The following ST6GALNAC1 variants were observed in gnomAD, a reference collection of about 807,000 sequenced individuals.
ST6GALNAC1 encodes alpha-N-acetylgalactosaminide alpha-2,6-sialyltransferase 1.
In ST6GALNAC1, 45 loss-of-function variants were observed where a neutral mutation model predicts 56.8. The observed-to-expected ratio is 0.79, with a 90% CI of 0.62 to 1.02. The LOEUF (loss-of-function observed/expected upper bound fraction) is 1.02, where lower values mean the gene tolerates loss of function less well. Ranked by LOEUF, ST6GALNAC1 falls within the 50% of genes least tolerant of loss-of-function variation. ST6GALNAC1 has a pLI of 0.00. For synonymous variants in ST6GALNAC1, 295 were observed against 297.8 expected (o/e 0.99, Z 0.10); for missense variants, 743 against 754.8 (o/e 0.98, Z 0.18).
At chr17:76,629,784 T>TTTTTG in intron 1 of ST6GALNAC1, 73 bp from the exon 2 acceptor site, 5 of 470,434 alleles carry the variant, frequency 1.1e-5, no homozygotes, top group Admixed American at 4.8e-5. Context: ...TAGTTTTTTG[T>TTTTTG]TTTTTTTTTT....
At chr17:76,617,714 T>G in the ST6GALNAC1 span, among the ~76,000 whole-genome samples, 4 of 150,070 alleles carry the variant, frequency 2.7e-5, no homozygotes, top group Non-Finnish European at 5.9e-5. Flanking sequence ...AAGGCTGCAG[T>G]GAGCTGCGAT....
rs752533596 is a variant in ST6GALNAC1 at position 76,629,280 on chromosome 17, G to A, written c.563C>T (p.Ala188Val). 3.6e-5 allele frequency: 58 copies of A among 1,614,076 alleles called. No individual in the cohort carries two copies. Among genetic ancestry groups the A allele is most frequent in the Non-Finnish European group, 4.7e-5 (55 of 1,180,022 alleles). The change falls in exon 2 of 9, where the codon GCG (alanine) becomes GTG (valine). Residue 188 changes from alanine to valine, a missense_variant. Ala to Val is a moderately conservative substitution (Grantham distance 64). Coordinates refer to ENST00000156626, the MANE Select transcript of ST6GALNAC1 (RefSeq NM_018414.5). ...AATGAGCGTCTTGGCTGTGGTTGCC[G>A]CTTTGCCCTGGTGCTTCTCTGACAC... The part of the protein sequence containing the change: ...RTVSEKHQGK[A>V]ATTAKTLIPK...
intron 1 of ST6GALNAC1, 102 bp downstream of exon 1, chr17:76,643,406 G>A: frequency 7.0e-6 from 9 of 1,291,692 alleles, no homozygotes; most frequent in Non-Finnish European, 9.6e-6. Context: ...CTCCCATGTG[G>A]ACACACAGGT....
chr17:76,635,438 G>A (rs1257889351), intron 1 of ST6GALNAC1, among the ~76,000 whole-genome samples: 1 of 152,272 alleles, frequency 6.6e-6, no homozygotes, highest in East Asian at 1.9e-4. Flanking sequence ...TCAGGAATTC[G>A]AGACCAGCCT....
chr17:76,641,287 A>G (rs2076044941), intron 1 of ST6GALNAC1, among the ~76,000 whole-genome samples: 1 of 152,084 alleles, frequency 6.6e-6, no homozygotes, highest in Admixed American at 6.6e-5. Context: ...TGACTGGGCC[A>G]GTGCACCTTA....
At chr17:76,626,871 A>C in intron 4 of ST6GALNAC1, 82 bp from the exon 5 acceptor site, 2 of 1,566,988 alleles carry the variant, frequency 1.3e-6, no homozygotes, top group Non-Finnish European at 8.8e-7. Context: ...GGAAGGAGAA[A>C]TGGGGGAGGC....
chr17:76,637,002 G>A (rs2075983938), intron 1 of ST6GALNAC1, among the ~76,000 whole-genome samples: 1 of 152,178 alleles, frequency 6.6e-6, no homozygotes, highest in Non-Finnish European at 1.5e-5. Flanking sequence ...CATGTGCTGT[G>A]TCCACTCAGG....
chr17:76,642,516 A>G (rs1196765939), intron 1 of ST6GALNAC1, among the ~76,000 whole-genome samples: 2 of 152,210 alleles, frequency 1.3e-5, no homozygotes, highest in Non-Finnish European at 2.9e-5. Context: ...AAGAGTGGTC[A>G]CCTTGAAGAG....
downstream of ST6GALNAC1, among the ~76,000 whole-genome samples, chr17:76,624,477 T>C (rs1418394183): frequency 6.6e-6 from 1 of 152,112 alleles, no homozygotes; most frequent in Non-Finnish European, 1.5e-5. Context: ...CTAGATCTCC[T>C]GTCCTCAAGT....
At chr17:76,628,963 G>C in intron 2 of ST6GALNAC1, 49 bp downstream of exon 2, 1 of 1,494,520 alleles carries the variant, frequency 6.7e-7, no homozygotes, top group Non-Finnish European at 9.0e-7. Flanking sequence ...CTCTCAGGAG[G>C]GGCTTCAGAG....
chr17:76,617,419 A>G, the ST6GALNAC1 span, among the ~76,000 whole-genome samples: 1 of 152,142 alleles, frequency 6.6e-6, no homozygotes, highest in Admixed American at 6.5e-5. Flanking sequence ...ATGTCCACAA[A>G]TTAGGTTTAT....
At chr17:76,630,822 C>T (rs1306554509) in intron 1 of ST6GALNAC1, among the ~76,000 whole-genome samples, 1 of 150,478 alleles carries the variant, frequency 6.6e-6, no homozygotes. Flanking sequence ...ATCTCTTGAT[C>T]TCGTGATCTG....
downstream of ST6GALNAC1, among the ~76,000 whole-genome samples, chr17:76,622,614 T>C (rs1027738168): frequency 2.0e-5 from 3 of 151,858 alleles, no homozygotes; most frequent in African/African-American, 7.3e-5. Flanking sequence ...CGGCCCACCT[T>C]GGCCTCCCAA....
rs752533596 is a variant in ST6GALNAC1 at position 76,629,280 on chromosome 17, G to T, written c.563C>A (p.Ala188Glu). 6.2e-7 allele frequency: 1 copy of T among 1,613,958 alleles called. No homozygotes were observed. The highest frequency in any genetic ancestry group is 1.7e-5 in the Admixed American group (1 of 59,996). The change falls in exon 2 of 9, where the codon GCG becomes GAG. Residue 188 changes from alanine to glutamate, a missense_variant. Transcript: ENST00000156626. Reference sequence around the variant, plus strand: ...AATGAGCGTCTTGGCTGTGGTTGCCGCTTTGCCCTGGTGCTTCTCTGACAC... The same window carrying T: ...AATGAGCGTCTTGGCTGTGGTTGCCTCTTTGCCCTGGTGCTTCTCTGACAC... ...RTVSEKHQGK[A>E]ATTAKTLIPK...
chr17:76,629,431 A>T lies in ST6GALNAC1; in HGVS notation c.412T>A (p.Ser138Thr). The change falls in exon 2 of 9, where the codon TCA (serine) becomes ACA (threonine). Residue 138 changes from serine to threonine, a missense_variant. Transcript: ENST00000156626. ...ATCCCTGCATCTTGCCCTCTGGGTG[A>T]CAGTGTGTTCACCATGGTTTTCTCT... ...EKEKTMVNTLSPRGQDAGMAS... is the reference protein window; with the variant it reads ...EKEKTMVNTLTPRGQDAGMAS... 2 of 1,613,948 alleles carry T rather than the reference A, an allele frequency of 1.2e-6. No homozygotes were observed. Among genetic ancestry groups the T allele is most frequent in the Non-Finnish European group, 1.7e-6 (2 of 1,179,992 alleles).
intron 1 of ST6GALNAC1, chr17:76,637,673 G>A (rs2075995641): frequency 5.0e-6 from 2 of 398,984 alleles, no homozygotes; most frequent in South Asian, 2.5e-4. Flanking sequence ...CAATAGCGAA[G>A]GGTCAGCGTC....
the ST6GALNAC1 span, among the ~76,000 whole-genome samples, chr17:76,619,740 G>GTTTTTTTTTTTTTTTTTTTTTTTTTT: frequency 9.8e-6 from 1 of 101,572 alleles, no homozygotes; most frequent in African/African-American, 3.9e-5. Flanking sequence ...AATAATGTTA[G>GTTTTTTTTTTTTTTTTTTTTTTTTTT]TTTTTTTTTT....
At chr17:76,631,103 G>A (rs34291112) in intron 1 of ST6GALNAC1, among the ~76,000 whole-genome samples, 46,990 of 151,310 alleles carry the variant, frequency 0.31, 8,649 homozygotes, top group Middle Eastern at 0.44. Context: ...GTGTGCACGC[G>A]TGCGCGAGCA....
At chr17:76,622,833 G>A (rs1168371564), downstream of ST6GALNAC1, among the ~76,000 whole-genome samples, 5 of 142,030 alleles carry the variant, frequency 3.5e-5, no homozygotes, top group East Asian at 2.1e-4. Flanking sequence ...TTGCTCTATC[G>A]CCCAGGCTGG....
Sources: gnomAD v4.1 joint callset for allele counts (sites outside exome capture counted in the v4.1 genomes callset) on GRCh38, gnomAD v4.1.1 for gene constraint, MANE v1.5 for transcripts, NCBI Gene and HGNC (gene_info 2026-07-23, HGNC 2026-07-21) for gene names.